Variants in RNF17 observed in about 807,000 individuals in gnomAD.
RNF17 encodes spermatogenesis associated 23.
In RNF17, 31 loss-of-function variants were observed where a neutral mutation model predicts 200.5. The observed-to-expected ratio is 0.15, with a 90% CI of 0.12 to 0.21. RNF17 has a LOEUF of 0.21. RNF17 is among the 10% of genes least tolerant of loss of function. RNF17 has a pLI of 1.00. For synonymous variants in RNF17, 606 were observed against 637.8 expected (o/e 0.95, Z 0.75); for missense variants, 1,628 against 1,905.1 (o/e 0.85, Z 2.71).
At chr13:24,795,160 C>T (rs1884401897) in intron 10 of RNF17, among the ~76,000 whole-genome samples, 1 of 152,072 alleles carries the variant, frequency 6.6e-6, no homozygotes, top group Non-Finnish European at 1.5e-5. Flanking sequence ...CAGTTTCTGT[C>T]ATCTATCTAT....
At chr13:24,876,224 A>C (rs1051652436) in intron 33 of RNF17, among the ~76,000 whole-genome samples, 8 of 152,236 alleles carry the variant, frequency 5.3e-5, no homozygotes, top group African/African-American at 9.6e-5. Context: ...ACTTATGTTG[A>C]GAAATAAAGT....
intron 28 of RNF17, among the ~76,000 whole-genome samples, chr13:24,863,778 G>A (rs1314606564): frequency 1.3e-5 from 2 of 152,186 alleles, no homozygotes; most frequent in East Asian, 3.8e-4. Flanking sequence ...AATTGACACA[G>A]AAGAATAGCT....
the RNF17 span, among the ~76,000 whole-genome samples, chr13:24,754,224 G>C: frequency 6.6e-6 from 1 of 151,838 alleles, no homozygotes; most frequent in Non-Finnish European, 1.5e-5. Flanking sequence ...TATTAAAACT[G>C]TCTTAGTTTT....
chr13:24,812,675 C>CA (rs1206307916), intron 15 of RNF17, among the ~76,000 whole-genome samples: 1 of 11,838 alleles, frequency 8.4e-5, no homozygotes, highest in Non-Finnish European at 2.6e-4. Context: ...CCCCTCCCCG[C>CA]CCCACCCCCT....
chr13:24,860,119 G>A (rs944715926), intron 26 of RNF17, among the ~76,000 whole-genome samples: 1 of 151,248 alleles, frequency 6.6e-6, no homozygotes, highest in Non-Finnish European at 1.5e-5. Flanking sequence ...ATAGTTATAG[G>A]GGTTATCTGA....
At chr13:24,747,936 T>C in the RNF17 span, among the ~76,000 whole-genome samples, 4 of 152,070 alleles carry the variant, frequency 2.6e-5, no homozygotes, top group Admixed American at 6.5e-5. Context: ...CTGGTTCAGG[T>C]GAGAGGAGGC....
intron 12 of RNF17, 88 bp downstream of exon 12, chr13:24,799,672 G>T (rs964806187): frequency 2.6e-6 from 2 of 781,654 alleles, no homozygotes; most frequent in Non-Finnish European, 4.1e-6. Context: ...ATTAGAGGTA[G>T]AGAGGAGTAA....
chr13:24,828,424 GAC>G (rs1232654110), intron 16 of RNF17, among the ~76,000 whole-genome samples: 1 of 152,012 alleles, frequency 6.6e-6, no homozygotes, highest in Admixed American at 6.5e-5. Flanking sequence ...AATGCTAAAA[GAC>G]ACACTCCACT....
At chr13:24,760,548 G>A (rs924837968), upstream of RNF17, among the ~76,000 whole-genome samples, 6 of 152,322 alleles carry the variant, frequency 3.9e-5, no homozygotes, top group Non-Finnish European at 8.8e-5. Flanking sequence ...AAAGCTCTAC[G>A]TCACTGGTCT....
chr13:24,778,315 A>C lies in RNF17; in HGVS notation c.338A>C (p.Asp113Ala), dbSNP rs1240367438. Residue 113 changes from aspartate (D) to alanine (A), a missense_variant, in exon 4 of 36, where the codon GAC (aspartate) becomes GCC (alanine). Asp to Ala is a moderately radical substitution (Grantham distance 126, BLOSUM62 -2). Around this residue, in one of 5 missense-constraint regions of RNF17, gnomAD observed 502 missense variants for 501.7 expected, o/e 1.00. Coordinates refer to ENST00000255324, the MANE Select transcript of RNF17 (RefSeq NM_031277.3). ...TTCAGGATAAAGAATTGTTCTCAGG[A>C]CTTTAAGAAGACTGCTGATCAGCTA... ...QPKTIKNCSQ[D>A]FKKTADQLTT... 2 of 1,610,074 alleles carry C rather than the reference A, an allele frequency of 1.2e-6. No homozygotes were observed. The highest frequency in any genetic ancestry group is 2.7e-5 in the African/African-American group (2 of 74,932).
chr13:24,757,718 T>G, the RNF17 span, among the ~76,000 whole-genome samples: 1 of 152,282 alleles, frequency 6.6e-6, no homozygotes, highest in Non-Finnish European at 1.5e-5. Flanking sequence ...TCAGTATTTC[T>G]ATAAATGTTT....
chr13:24,837,417 C>A (rs544391073), intron 18 of RNF17, among the ~76,000 whole-genome samples: 1 of 152,208 alleles, frequency 6.6e-6, no homozygotes, highest in Admixed American at 6.5e-5. Flanking sequence ...GTAGAATACC[C>A]ATTCTATTCA....
intron 32 of RNF17, among the ~76,000 whole-genome samples, chr13:24,871,958 C>CTT (rs60797153): frequency 0.016 from 1,123 of 71,696 alleles, 132 homozygotes; most frequent in Non-Finnish European, 0.018. Context: ...TTATTGATGA[C>CTT]TTTTTTTTTT....
chr13:24,827,563 G>T (rs1010730526), intron 16 of RNF17, among the ~76,000 whole-genome samples: 2 of 151,104 alleles, frequency 1.3e-5, no homozygotes, highest in Non-Finnish European at 3.0e-5. Flanking sequence ...TTAGCCGGGC[G>T]TAGTGGCGGG....
chr13:24,884,137 TGAGAGGGTG>T (rs1953940980), downstream of RNF17: 1 of 1,613,660 alleles, frequency 6.2e-7, no homozygotes. Flanking sequence ...AAGAATTTAA[TGAGAGGGTG>T]GAGCAAGTTT....
At chr13:24,881,684 A>G (rs1953823796), downstream of RNF17, among the ~76,000 whole-genome samples, 1 of 149,836 alleles carries the variant, frequency 6.7e-6, no homozygotes, top group Admixed American at 6.7e-5. Flanking sequence ...TATCTAGATT[A>G]TAGATATCTA....
downstream of RNF17, chr13:24,884,430 T>C: frequency 6.2e-7 from 1 of 1,614,136 alleles, no homozygotes; most frequent in South Asian, 1.1e-5. Context: ...GGAAACAGTA[T>C]AACACGGCAC....
At chr13:24,774,135 A>C (rs531835877) in intron 2 of RNF17, among the ~76,000 whole-genome samples, 1 of 152,190 alleles carries the variant, frequency 6.6e-6, no homozygotes, top group Non-Finnish European at 1.5e-5. Flanking sequence ...TAGGAATTCT[A>C]TTGAACCACA....
rs748740624 is a variant in RNF17, at chr13:24,843,754, A to C, written c.2614A>C (p.Lys872Gln). The change falls in exon 20 of 36, where the codon AAA becomes CAA. Residue 872 changes from lysine (K) to glutamine (Q), a missense_variant. By Grantham distance (53) the Lys-to-Gln change is moderately conservative. Around this residue, in one of 5 missense-constraint regions of RNF17, gnomAD observed 227 missense variants for 319.8 expected, o/e 0.71. Coordinates refer to ENST00000255324, the MANE Select transcript of RNF17 (RefSeq NM_031277.3). ...TTTGTTGTTTTTCAGATACATCCTC[A>C]AAGATAATTCTCAAAAGCATATTGA... ...LASYEIGYIL[K>Q]DNSQKHIEVW... 32 of 1,583,666 alleles carry C rather than the reference A, an allele frequency of 2.0e-5. No individual in the cohort carries two copies. In the South Asian group the frequency reaches 3.5e-4, roughly 17 times the overall value.
Sources: allele counts gnomAD v4.1 joint callset (sites outside exome capture counted in the v4.1 genomes callset), GRCh38; gene constraint gnomAD v4.1.1; regional missense constraint gnomAD v4.1.1; transcripts MANE v1.5; gene names NCBI Gene and HGNC (gene_info 2026-07-23, HGNC 2026-07-21).